SH3BGRL2: variants seen among roughly 807,000 people sequenced by gnomAD.
SH3BGRL2 encodes the protein SH3 domain-binding glutamic acid-rich-like protein 2.
In SH3BGRL2, 21 loss-of-function variants were observed where a neutral mutation model predicts 14.8. The ratio of observed to expected loss-of-function variants is 1.42; its 90% confidence interval spans 1.01 to 2.05. SH3BGRL2 has a LOEUF of 2.05. Ranked by LOEUF, SH3BGRL2 falls within the 30% of genes most tolerant of loss-of-function variation. The pLI is 0.00. For synonymous variants in SH3BGRL2, 50 were observed against 47.8 expected (o/e 1.05, Z -0.19); for missense variants, 147 against 130.8 (o/e 1.12, Z -0.61).
At chr6:79,559,141 A>G in the SH3BGRL2 span, among the ~76,000 whole-genome samples, 13 of 152,162 alleles carry the variant, frequency 8.5e-5, no homozygotes, top group Non-Finnish European at 1.9e-4. Context: ...ATTAACAACT[A>G]TGAAGGAATC....
At chr6:79,569,041 C>T in the SH3BGRL2 span, among the ~76,000 whole-genome samples, 1 of 152,118 alleles carries the variant, frequency 6.6e-6, no homozygotes, top group Non-Finnish European at 1.5e-5. Flanking sequence ...GGTGGTCCAG[C>T]TACAGCTTGG....
the SH3BGRL2 span, among the ~76,000 whole-genome samples, chr6:79,615,547 C>T: frequency 1.1e-4 from 17 of 152,186 alleles, no homozygotes; most frequent in Non-Finnish European, 2.1e-4. Flanking sequence ...TCAGCATTCT[C>T]ATCTATAAAA....
chr6:79,669,685 TC>T (rs1185580807), intron 1 of SH3BGRL2, among the ~76,000 whole-genome samples: 1 of 151,940 alleles, frequency 6.6e-6, no homozygotes, highest in African/African-American at 2.4e-5. Flanking sequence ...CCTCAGGTGA[TC>T]CCCCCACCTC....
At chr6:79,663,045 G>A (rs866354253) in intron 1 of SH3BGRL2, among the ~76,000 whole-genome samples, 5 of 152,100 alleles carry the variant, frequency 3.3e-5, no homozygotes, top group South Asian at 2.1e-4. Context: ...TTAGCCATTT[G>A]TCTAACCTTT....
chr6:79,642,835 T>C (rs965870920), intron 1 of SH3BGRL2, among the ~76,000 whole-genome samples: 4 of 152,168 alleles, frequency 2.6e-5, no homozygotes, highest in Admixed American at 1.3e-4. Flanking sequence ...ATTTCTGTGT[T>C]TAATGAAGAT....
the SH3BGRL2 span, among the ~76,000 whole-genome samples, chr6:79,547,100 A>G: frequency 6.6e-6 from 1 of 152,054 alleles, no homozygotes; most frequent in East Asian, 1.9e-4. Flanking sequence ...TTTCTAGTCT[A>G]GAAATTTCTG....
the SH3BGRL2 span, among the ~76,000 whole-genome samples, chr6:79,546,976 G>A: frequency 6.6e-6 from 1 of 152,126 alleles, no homozygotes; most frequent in Non-Finnish European, 1.5e-5. Context: ...CACTGGGCCT[G>A]GCCTAAGTTG....
chr6:79,598,614 A>C, the SH3BGRL2 span, among the ~76,000 whole-genome samples: 1 of 152,142 alleles, frequency 6.6e-6, no homozygotes, highest in South Asian at 2.1e-4. Context: ...ACTGAGAAAT[A>C]ACTGCTAATG....
In SH3BGRL2 at chr6:79,648,279, T is replaced by TATATATATATATATATATAA. The variant is rs752182712; in HGVS notation, c.45+16777_45+16778insATATATATATATATAAATAT. 3.3e-3 allele frequency among the ~76,000 whole-genome samples: 386 copies of TATATATATATATATATATAA among 117,132 alleles called. 13 individuals are homozygous for TATATATATATATATATATAA. The highest frequency in any genetic ancestry group is 5.7e-3 in the Non-Finnish European group (326 of 57,186). The allele number at this position is 117,132 out of a possible 152,430, so 76.8% of individuals were successfully genotyped here. ...GCATATATATATATATATATATATA[T>TATATATATATATATATATAA]ATATTTGACATATATTATATATAAT... On this transcript the variant is annotated intron_variant, in intron 1 of 3. Coordinates refer to ENST00000369838, the MANE Select transcript of SH3BGRL2 (RefSeq NM_031469.4).
intron 1 of SH3BGRL2, among the ~76,000 whole-genome samples, chr6:79,662,467 A>G (rs1158005302): frequency 6.6e-6 from 1 of 152,202 alleles, no homozygotes; most frequent in Non-Finnish European, 1.5e-5. Flanking sequence ...AATGTTGACT[A>G]TTGGCCCCCA....
At chr6:79,596,149 A>G in the SH3BGRL2 span, among the ~76,000 whole-genome samples, 1 of 152,204 alleles carries the variant, frequency 6.6e-6, no homozygotes, top group African/African-American at 2.4e-5. Context: ...TGATATTACA[A>G]AACCTTCTGG....
At chr6:79,599,465 G>T in the SH3BGRL2 span, among the ~76,000 whole-genome samples, 1 of 151,144 alleles carries the variant, frequency 6.6e-6, no homozygotes, top group Non-Finnish European at 1.5e-5. Flanking sequence ...TCCGCCTCCT[G>T]GGTCAAGCAA....
At chr6:79,638,030 T>G (rs1310765133) in intron 1 of SH3BGRL2, among the ~76,000 whole-genome samples, 2 of 152,196 alleles carry the variant, frequency 1.3e-5, no homozygotes, top group Non-Finnish European at 2.9e-5. Flanking sequence ...TTATGGGGTA[T>G]CTAGTGATAT....
At chr6:79,664,839 A>T (rs1769623832) in intron 1 of SH3BGRL2, among the ~76,000 whole-genome samples, 1 of 152,220 alleles carries the variant, frequency 6.6e-6, no homozygotes. Context: ...CAAGATTTAG[A>T]AAAATCTGTG....
the SH3BGRL2 span, among the ~76,000 whole-genome samples, chr6:79,593,886 G>C: frequency 6.6e-6 from 1 of 152,082 alleles, no homozygotes; most frequent in South Asian, 2.1e-4. Flanking sequence ...ACAGTGACAA[G>C]AGATGGCAGA....
chr6:79,549,265 A>G, the SH3BGRL2 span, among the ~76,000 whole-genome samples: 1 of 152,206 alleles, frequency 6.6e-6, no homozygotes, highest in Non-Finnish European at 1.5e-5. Context: ...AGAAATAAAA[A>G]CTACAGCCCA....
the SH3BGRL2 span, among the ~76,000 whole-genome samples, chr6:79,566,504 T>A: frequency 6.6e-6 from 1 of 152,188 alleles, no homozygotes; most frequent in African/African-American, 2.4e-5. Context: ...AACAAAAATA[T>A]TATAATATCT....
At chr6:79,648,012 C>A (rs1769177201) in intron 1 of SH3BGRL2, among the ~76,000 whole-genome samples, 1 of 151,410 alleles carries the variant, frequency 6.6e-6, no homozygotes, top group Admixed American at 6.6e-5. Flanking sequence ...GAGCTTGGTT[C>A]TGAGAGATAA....
the SH3BGRL2 span, among the ~76,000 whole-genome samples, chr6:79,548,113 C>T: frequency 3.3e-5 from 5 of 152,122 alleles, no homozygotes; most frequent in Admixed American, 1.3e-4. Flanking sequence ...AAGCTATCCT[C>T]CTGCTTCAGC....
Sources: gnomAD v4.1 joint callset for allele counts (sites outside exome capture counted in the v4.1 genomes callset) on GRCh38, gnomAD v4.1.1 for gene constraint, MANE v1.5 for transcripts, NCBI Gene and HGNC (gene_info 2026-07-23, HGNC 2026-07-21) for gene names.